SGCZ: variants seen among roughly 807,000 people sequenced by gnomAD.
The protein encoded by SGCZ is zeta-sarcoglycan.
In SGCZ, 40 loss-of-function variants were observed where a neutral mutation model predicts 41.3. The observed-to-expected ratio is 0.97, with a 90% CI of 0.75 to 1.26. The LOEUF is 1.26. Among genes scored for constraint, SGCZ ranks in the 50% most tolerant of loss-of-function variants. The probability of loss-of-function intolerance (pLI) is 0.00; values close to 1 mark genes in which losing one functional copy is unlikely to be tolerated. For synonymous variants in SGCZ, 206 were observed against 137.5 expected (o/e 1.50, Z -3.49); for missense variants, 552 against 369.8 (o/e 1.49, Z -4.04).
chr8:14,796,956 G>A (rs1421677837), intron 1 of SGCZ, among the ~76,000 whole-genome samples: 1 of 152,140 alleles, frequency 6.6e-6, no homozygotes, highest in Non-Finnish European at 1.5e-5. Context: ...TGCCATGATT[G>A]TAAGTTTCCT....
intron 1 of SGCZ, among the ~76,000 whole-genome samples, chr8:15,016,866 T>C (rs1025186353): frequency 3.3e-5 from 5 of 152,076 alleles, no homozygotes; most frequent in African/African-American, 1.2e-4. Context: ...CCATGTCATT[T>C]GGCAAGAGAG....
intron 3 of SGCZ, among the ~76,000 whole-genome samples, chr8:14,312,647 G>C (rs1801586389): frequency 6.6e-6 from 1 of 150,792 alleles, no homozygotes; most frequent in Non-Finnish European, 1.5e-5. Flanking sequence ...AGAAGAAGAA[G>C]AGGAAGAGGA....
intron 3 of SGCZ, among the ~76,000 whole-genome samples, chr8:14,259,842 G>T (rs1390642609): frequency 6.6e-6 from 1 of 151,580 alleles, no homozygotes; most frequent in African/African-American, 2.4e-5. Flanking sequence ...TTCCAATTCT[G>T]TGAAGAAAGG....
At chr8:15,199,994 A>T (rs892875355) in intron 1 of SGCZ, among the ~76,000 whole-genome samples, 1 of 152,202 alleles carries the variant, frequency 6.6e-6, no homozygotes, top group Non-Finnish European at 1.5e-5. Context: ...ATTACATGGC[A>T]TATTTGTTGT....
At chr8:14,825,472 TATGGC>T (rs1563296043) in intron 1 of SGCZ, among the ~76,000 whole-genome samples, 3 of 152,214 alleles carry the variant, frequency 2.0e-5, no homozygotes, top group Admixed American at 2.0e-4. Context: ...TTGTCAAGTT[TATGGC>T]ATTATTTAAT....
chr8:14,491,194 A>C (rs1453313025), intron 2 of SGCZ, among the ~76,000 whole-genome samples: 3 of 152,120 alleles, frequency 2.0e-5, no homozygotes, highest in African/African-American at 7.2e-5. Flanking sequence ...TTACAAATTT[A>C]TGGTCCTCAC....
intron 1 of SGCZ, among the ~76,000 whole-genome samples, chr8:15,135,662 A>G (rs1033812585): frequency 6.6e-6 from 1 of 152,216 alleles, no homozygotes; most frequent in Non-Finnish European, 1.5e-5. Context: ...TAAGGTAAGT[A>G]AGCAAGTCAA....
chr8:14,303,199 A>T (rs1221856224), intron 3 of SGCZ, among the ~76,000 whole-genome samples: 1 of 152,230 alleles, frequency 6.6e-6, no homozygotes, highest in African/African-American at 2.4e-5. Flanking sequence ...GGAATAATGC[A>T]CCTCAACGCA....
chr8:15,203,891 T>G (rs1800975444), intron 1 of SGCZ, among the ~76,000 whole-genome samples: 1 of 152,216 alleles, frequency 6.6e-6, no homozygotes. Flanking sequence ...ATTCATTTAT[T>G]CTACTTTATG....
chr8:15,195,483 A>C (rs1342454448), intron 1 of SGCZ, among the ~76,000 whole-genome samples: 1 of 152,000 alleles, frequency 6.6e-6, no homozygotes, highest in East Asian at 1.9e-4. Flanking sequence ...AGCTCTCTCT[A>C]ACCTGAGCAT....
At chr8:14,411,147 G>C (rs1421526693) in intron 2 of SGCZ, among the ~76,000 whole-genome samples, 1 of 152,030 alleles carries the variant, frequency 6.6e-6, no homozygotes, top group Non-Finnish European at 1.5e-5. Flanking sequence ...CTATTATTGA[G>C]ATTAAGTTTT....
At chr8:14,846,817 C>G (rs1803129037) in intron 1 of SGCZ, among the ~76,000 whole-genome samples, 1 of 151,662 alleles carries the variant, frequency 6.6e-6, no homozygotes, top group Admixed American at 6.6e-5. Flanking sequence ...CTCCTGTAAT[C>G]CTAGCACTTT....
chr8:14,170,595 A>T (rs1254476800), intron 4 of SGCZ, among the ~76,000 whole-genome samples: 1 of 152,164 alleles, frequency 6.6e-6, no homozygotes, highest in Non-Finnish European at 1.5e-5. Flanking sequence ...GTGAATGCAG[A>T]TGGCCTCAAC....
intron 1 of SGCZ, among the ~76,000 whole-genome samples, chr8:15,120,203 A>G (rs529908275): frequency 6.6e-6 from 1 of 152,342 alleles, no homozygotes; most frequent in Admixed American, 6.5e-5. Context: ...CGAATGATAA[A>G]TAAGATTTTG....
intron 2 of SGCZ, chr8:14,332,699 A>G (rs190090794): frequency 1.3e-5 from 2 of 151,890 alleles, no homozygotes; most frequent in African/African-American, 4.8e-5. Context: ...GACTACAAAT[A>G]AGGAACCACC....
intron 5 of SGCZ, among the ~76,000 whole-genome samples, chr8:14,120,661 A>T (rs538427573): frequency 1.8e-4 from 27 of 152,198 alleles, no homozygotes; most frequent in Non-Finnish European, 2.8e-4. Context: ...ATCCAAAAGA[A>T]TCTACAGAAA....
chr8:15,049,071 C>G (rs796633891), intron 1 of SGCZ, among the ~76,000 whole-genome samples: 31 of 152,248 alleles, frequency 2.0e-4, no homozygotes, highest in African/African-American at 7.5e-4. Flanking sequence ...TAACAAATCT[C>G]TGCCACATGT....
intron 1 of SGCZ, among the ~76,000 whole-genome samples, chr8:14,682,791 C>G (rs1444518407): frequency 6.6e-6 from 1 of 152,166 alleles, no homozygotes; most frequent in Non-Finnish European, 1.5e-5. Flanking sequence ...ACCTTAAACA[C>G]TCAGTTTTGA....
intron 2 of SGCZ, among the ~76,000 whole-genome samples, chr8:14,486,143 G>T (rs62498361): frequency 0.67 from 101,845 of 152,004 alleles, 35,180 homozygotes; most frequent in East Asian, 0.79. Context: ...CCCCCTCAAA[G>T]TTGTTCTGGT....
Sources: gnomAD v4.1 joint callset for allele counts (sites outside exome capture counted in the v4.1 genomes callset) on GRCh38, gnomAD v4.1.1 for gene constraint, MANE v1.5 for transcripts, NCBI Gene and HGNC (gene_info 2026-07-23, HGNC 2026-07-21) for gene names.